ITPR1: variants seen among roughly 807,000 people sequenced by gnomAD.
ITPR1 encodes inositol 1,4,5-trisphosphate receptor type 1.
In ITPR1, 96 loss-of-function variants were observed where a neutral mutation model predicts 318.4. The ratio of observed to expected loss-of-function variants is 0.30; its 90% CI spans 0.26 to 0.36. ITPR1 has a LOEUF of 0.36. Ranked by LOEUF, ITPR1 falls within the 10% of genes least tolerant of loss-of-function variation. The probability of loss-of-function intolerance (pLI) is 1.00; values close to 1 mark genes in which losing one functional copy is unlikely to be tolerated. For missense variants in ITPR1, 2,440 were observed against 3,460.2 expected (o/e 0.71, Z 7.40); for synonymous variants, 1,312 against 1,289.9 (o/e 1.02, Z -0.37).
intron 44 of ITPR1, chr3:4,749,617 A>G (rs532328853): frequency 6.6e-6 from 1 of 152,252 alleles, no homozygotes; most frequent in East Asian, 1.9e-4. Flanking sequence ...AAGTCCTCTC[A>G]GTTCAAGCCA....
At chr3:4,630,191 G>A (rs2092970083) in intron 5 of ITPR1, among the ~76,000 whole-genome samples, 1 of 152,156 alleles carries the variant, frequency 6.6e-6, no homozygotes, top group Admixed American at 6.6e-5. Flanking sequence ...GGAAGTAAGT[G>A]CTTGCACCTC....
At chr3:4,627,560 A>G (rs9828379) in intron 4 of ITPR1, among the ~76,000 whole-genome samples, 1 of 152,114 alleles carries the variant, frequency 6.6e-6, no homozygotes, top group Non-Finnish European at 1.5e-5. Context: ...CAATCGACTC[A>G]CTTTCTTTAA....
intron 4 of ITPR1, among the ~76,000 whole-genome samples, chr3:4,545,653 C>T (rs1394137951): frequency 2.1e-5 from 3 of 142,050 alleles, no homozygotes; most frequent in Non-Finnish European, 4.6e-5. Flanking sequence ...GCTTTGGAAG[C>T]ATCTTTTTTT....
At chr3:4,676,579 A>T in intron 23 of ITPR1, 35 bp from the exon 24 acceptor site, 2 of 1,558,102 alleles carry the variant, frequency 1.3e-6, no homozygotes, top group Non-Finnish European at 1.8e-6. Flanking sequence ...TTCTCTAGAG[A>T]CATTGTGACC....
intron 4 of ITPR1, among the ~76,000 whole-genome samples, chr3:4,555,655 G>T (rs944941897): frequency 4.6e-5 from 7 of 152,104 alleles, no homozygotes; most frequent in African/African-American, 1.4e-4. Flanking sequence ...AGCATTTGAG[G>T]ATTATTCCAT....
intron 44 of ITPR1, among the ~76,000 whole-genome samples, chr3:4,744,659 A>G (rs895349662): frequency 6.6e-6 from 1 of 152,216 alleles, no homozygotes; most frequent in African/African-American, 2.4e-5. Flanking sequence ...TGCTGACCCT[A>G]GGGTTTGTTT....
chr3:4,692,619 C>T (rs998734905), intron 32 of ITPR1, among the ~76,000 whole-genome samples: 3 of 152,132 alleles, frequency 2.0e-5, no homozygotes, highest in African/African-American at 7.2e-5. Flanking sequence ...GTTTTTTGTA[C>T]TTCATGTACT....
At chr3:4,592,408 C>T (rs941513785) in intron 4 of ITPR1, among the ~76,000 whole-genome samples, 8 of 152,078 alleles carry the variant, frequency 5.3e-5, no homozygotes, top group Non-Finnish European at 1.2e-4. Flanking sequence ...TTTCATCTAT[C>T]GTGAGACCAT....
At chr3:4,658,497 A>G (rs899454273) in intron 13 of ITPR1, among the ~76,000 whole-genome samples, 2 of 151,636 alleles carry the variant, frequency 1.3e-5, no homozygotes, top group Admixed American at 1.3e-4. Context: ...ATATTTAGGT[A>G]AACAAGCCAA....
chr3:4,710,362 T>C lies in ITPR1; in HGVS notation c.4880T>C (p.Leu1627Pro). Residue 1627 changes from leucine to proline, a missense_variant, in exon 38 of 62, where the codon CTG (leucine) becomes CCG (proline). This residue lies in a region of ITPR1 where 166 missense variants were observed against 246.5 expected (regional missense o/e 0.67). Coordinates refer to ENST00000649015, the MANE Select transcript of ITPR1 (RefSeq NM_001378452.1). The surrounding 1 kb of genome is among the most constrained non-coding windows in gnomAD (Gnocchi z 4.2). ...VSALEDRLRP[L>P]VQAELSVLVD... The stretch of plus-strand genomic sequence containing the variant: ...GCGCTGGAGGACCGTCTCAGGCCCC[T>C]GGTGCAGGCAGAGTTATCTGTGCTC... The C allele has an allele frequency of 6.4e-7, 1 of 1,569,712 alleles. No homozygotes were observed. The highest frequency in any genetic ancestry group is 8.7e-7 in the Non-Finnish European group (1 of 1,156,006).
chr3:4,567,695 G>A (rs561910541), intron 4 of ITPR1, among the ~76,000 whole-genome samples: 1 of 152,136 alleles, frequency 6.6e-6, no homozygotes, highest in South Asian at 2.1e-4. Flanking sequence ...ACCTCCTCCT[G>A]GGCTCAAGTG....
intron 38 of ITPR1, among the ~76,000 whole-genome samples, chr3:4,711,138 G>T (rs1282728484): frequency 1.4e-5 from 2 of 143,328 alleles, no homozygotes. Flanking sequence ...TTGAACCCAG[G>T]AAGCAGAGGC....
At chr3:4,562,973 C>A (rs1157226136) in intron 4 of ITPR1, among the ~76,000 whole-genome samples, 2 of 151,966 alleles carry the variant, frequency 1.3e-5, no homozygotes, top group East Asian at 3.9e-4. Flanking sequence ...GGTGGGCCAG[C>A]ACTAGATAGG....
At chr3:4,574,530 C>T (rs544514703) in intron 4 of ITPR1, among the ~76,000 whole-genome samples, 1 of 152,256 alleles carries the variant, frequency 6.6e-6, no homozygotes, top group African/African-American at 2.4e-5. Context: ...GCTTTTCTTC[C>T]CAGTTTGTTT....
intron 4 of ITPR1, among the ~76,000 whole-genome samples, chr3:4,562,698 T>C (rs1287268545): frequency 4.7e-5 from 7 of 149,282 alleles, no homozygotes; most frequent in Non-Finnish European, 7.4e-5. Flanking sequence ...TAGCTAAAAA[T>C]GACTCACCTT....
intron 21 of ITPR1, 126 bp from the exon 22 acceptor site, chr3:4,674,076 A>G: frequency 1.4e-6 from 1 of 696,308 alleles, no homozygotes; most frequent in Non-Finnish European, 2.4e-6. Context: ...AAGGAGGGAA[A>G]AAATAAAGTA....
chr3:4,796,261 G>A (rs776268049), intron 53 of ITPR1, among the ~76,000 whole-genome samples: 4 of 151,402 alleles, frequency 2.6e-5, no homozygotes, highest in Non-Finnish European at 5.9e-5. Flanking sequence ...GAATGCCCCC[G>A]CTCCGAAAAG....
chr3:4,701,516 C>G (rs1194552563), intron 35 of ITPR1, among the ~76,000 whole-genome samples: 1 of 152,150 alleles, frequency 6.6e-6, no homozygotes, highest in East Asian at 1.9e-4. Flanking sequence ...ACACAGCTTA[C>G]TATCTTGGGT....
At chr3:4,803,203 C>T (rs538063445) in intron 54 of ITPR1, among the ~76,000 whole-genome samples, 15 of 152,238 alleles carry the variant, frequency 9.9e-5, no homozygotes, top group South Asian at 2.1e-4. Flanking sequence ...GGACAGGTGG[C>T]GCTAAACTAT....
Sources: allele counts gnomAD v4.1 joint callset (sites outside exome capture counted in the v4.1 genomes callset), GRCh38; gene constraint gnomAD v4.1.1; regional missense constraint gnomAD v4.1.1; non-coding constraint Gnocchi (gnomAD v3.1); transcripts MANE v1.5; gene names NCBI Gene and HGNC (gene_info 2026-07-23, HGNC 2026-07-21).